The following ENPP1 variants were observed in gnomAD, a reference collection of about 807,000 sequenced individuals.
ENPP1 encodes the protein ectonucleotide pyrophosphatase/phosphodiesterase family member 1.
A neutral mutation model predicts 122.8 loss-of-function variants in ENPP1; 73 were observed. The observed-to-expected ratio is 0.59, with a 90% CI of 0.49 to 0.72. The LOEUF (loss-of-function observed/expected upper bound fraction) is 0.72, where lower values mean the gene tolerates loss of function less well. Ranked by LOEUF, ENPP1 falls within the 30% of genes least tolerant of loss-of-function variation. ENPP1 has a pLI of 0.00. For missense variants in ENPP1, 978 were observed against 1,128.1 expected, an observed-to-expected ratio of 0.87 and a Z score of 1.91; for synonymous variants, 367 against 391.6, an observed-to-expected ratio of 0.94 and a Z score of 0.74.
At chr6:131,882,058 T>TAAATAAATAAA (rs59854617) in intron 20 of ENPP1, among the ~76,000 whole-genome samples, 1 of 151,160 alleles carries the variant, frequency 6.6e-6, no homozygotes, top group African/African-American at 2.4e-5. Context: ...AATAAATAAA[T>TAAATAAATAAA]ATTTAAAATT....
intron 1 of ENPP1, among the ~76,000 whole-genome samples, chr6:131,822,425 A>G (rs1781494192): frequency 6.6e-6 from 1 of 152,184 alleles, no homozygotes; most frequent in Admixed American, 6.5e-5. Context: ...TAGTTCCAAA[A>G]TATTTGTTTT....
chr6:131,809,061 A>T (rs1781317124), intron 1 of ENPP1, among the ~76,000 whole-genome samples: 1 of 152,168 alleles, frequency 6.6e-6, no homozygotes, highest in African/African-American at 2.4e-5. Context: ...GGCCTTGCGT[A>T]ACTGTCCCTA....
At chr6:131,870,661 A>G (rs1782149960) in intron 13 of ENPP1, among the ~76,000 whole-genome samples, 1 of 152,250 alleles carries the variant, frequency 6.6e-6, no homozygotes, top group South Asian at 2.1e-4. Flanking sequence ...GAAAATGGTT[A>G]TGCAGATAGA....
Position 131,808,164 on chromosome 6 carries a change from G to A in ENPP1, c.129G>A (p.Pro43=), listed in dbSNP as rs1321651641. ...ACGCTGCCGAGGCGCCCGGGGACCC[G>A]CAGGCGGCCGCGTCCTTGCTGGCCC... is the stretch of plus-strand genomic sequence containing the variant. ...RSHAAEAPGD[P]QAAASLLAPM... Residue 43 remains proline, a synonymous_variant, in exon 1 of 25, where the codon CCG becomes CCA. Transcript: ENST00000647893. 6.9e-7 allele frequency: 1 copy of A among 1,454,834 alleles called. No individual in the cohort carries two copies. The highest frequency in any genetic ancestry group is 1.5e-5 in the African/African-American group (1 of 67,956). 90.1% of individuals were successfully genotyped at this position (1,454,834 alleles called of 1,614,324 possible).
At chr6:131,860,327 G>C in intron 7 of ENPP1, 60 bp from the exon 8 acceptor site, 1 of 1,250,956 alleles carries the variant, frequency 8.0e-7, no homozygotes, top group Non-Finnish European at 1.2e-6. Flanking sequence ...ATTTTTTTCT[G>C]TGAATGTATT....
At chr6:131,862,125 C>T (rs1422420286) in intron 9 of ENPP1, among the ~76,000 whole-genome samples, 1 of 151,998 alleles carries the variant, frequency 6.6e-6, no homozygotes, top group East Asian at 1.9e-4. Context: ...GCCGAGATCA[C>T]GTCATTGCAC....
At chr6:131,885,132 T>A in intron 23 of ENPP1, 69 bp downstream of exon 23, 1 of 1,504,780 alleles carries the variant, frequency 6.6e-7, no homozygotes, top group Non-Finnish European at 9.2e-7. Flanking sequence ...TACCATCCAG[T>A]TGAGTCAACA....
chr6:131,864,669 A>T, intron 10 of ENPP1, 98 bp downstream of exon 10: 1 of 889,880 alleles, frequency 1.1e-6, no homozygotes, highest in East Asian at 2.5e-5. Context: ...ATTTGCTATG[A>T]TGTTTTATAT....
At chr6:131,850,194 T>A in intron 3 of ENPP1, 88 bp downstream of exon 3, 1 of 942,630 alleles carries the variant, frequency 1.1e-6, no homozygotes, top group Non-Finnish European at 1.8e-6. Flanking sequence ...GTGATTTACC[T>A]AATTCATTTG....
chr6:131,817,542 T>G (rs1054663454), intron 1 of ENPP1, among the ~76,000 whole-genome samples: 2 of 152,168 alleles, frequency 1.3e-5, no homozygotes, highest in African/African-American at 4.8e-5. Flanking sequence ...CCTTCTTGGC[T>G]TATTTTGAAA....
At position 131,808,257 on chromosome 6, in the gene ENPP1, C is replaced by T. The variant is rs1781305460; in HGVS notation, c.222C>T (p.Thr74=). ...ARARTAKDPN[T]YKVLSLVLSV... is the part of the protein sequence containing the mutation. ...CCCGCACTGCCAAGGACCCCAACAC[C>T]TATAAAGTACTCTCGCTGGTAGGTC... Residue 74 remains threonine, a synonymous_variant, in exon 1 of 25, where the codon ACC becomes ACT. Coordinates refer to ENST00000647893, the MANE Select transcript of ENPP1 (RefSeq NM_006208.3). The T allele has an allele frequency of 3.3e-6, 5 of 1,515,038 alleles. No homozygotes were observed. The highest frequency in any genetic ancestry group is 2.5e-5 in the South Asian group (2 of 80,080). 93.8% of individuals were successfully genotyped at this position (1,515,038 alleles called of 1,614,324 possible).
At chr6:131,836,543 C>T (rs1309535505) in intron 1 of ENPP1, among the ~76,000 whole-genome samples, 1 of 152,158 alleles carries the variant, frequency 6.6e-6, no homozygotes, top group Non-Finnish European at 1.5e-5. Flanking sequence ...ATCTATTAAA[C>T]TCAGCCTGCT....
intron 1 of ENPP1, among the ~76,000 whole-genome samples, chr6:131,837,174 G>T (rs1384287928): frequency 2.0e-5 from 2 of 99,292 alleles, no homozygotes; most frequent in Non-Finnish European, 2.1e-5. Context: ...TGTTGTCATT[G>T]TGTGTGTGTG....
chr6:131,877,504 G>GCTGTTAATCTGTGCTCT, intron 18 of ENPP1: 1 of 343,748 alleles, frequency 2.9e-6, no homozygotes, highest in African/African-American at 2.1e-5. Context: ...CTCTAGCAGT[G>GCTGTTAATCTGTGCTCT]AGGTGATGAG....
At chr6:131,839,362 T>G (rs2114679707) in intron 1 of ENPP1, among the ~76,000 whole-genome samples, 1 of 152,256 alleles carries the variant, frequency 6.6e-6, no homozygotes, top group African/African-American at 2.4e-5. Context: ...CTCCAATGAC[T>G]GGTGAATCAT....
At chr6:131,808,330 G>A in intron 1 of ENPP1, 55 bp downstream of exon 1, 1 of 1,450,084 alleles carries the variant, frequency 6.9e-7, no homozygotes, top group South Asian at 1.4e-5. Flanking sequence ...CGGGGAGGGC[G>A]GCGCCGAGCT....
At chr6:131,848,927 G>A (rs949759450) in intron 2 of ENPP1, among the ~76,000 whole-genome samples, 1 of 152,180 alleles carries the variant, frequency 6.6e-6, no homozygotes. Context: ...AGTGTCAAAT[G>A]AGAGGTAAAT....
intron 8 of ENPP1, 92 bp from the exon 9 acceptor site, chr6:131,861,501 TAG>T: frequency 1.2e-6 from 1 of 810,356 alleles, no homozygotes. Flanking sequence ...ATTCTAGCAC[TAG>T]AGAGGAATGC....
intron 1 of ENPP1, chr6:131,819,931 C>T (rs1781462884): frequency 1.9e-6 from 1 of 535,866 alleles, no homozygotes; most frequent in African/African-American, 2.1e-5. Context: ...GATGAGTTTC[C>T]ATAGCTTCTT....
Sources: gnomAD v4.1 joint callset for allele counts (sites outside exome capture counted in the v4.1 genomes callset) on GRCh38, gnomAD v4.1.1 for gene constraint, MANE v1.5 for transcripts, NCBI Gene and HGNC (gene_info 2026-07-23, HGNC 2026-07-21) for gene names.